The following DICER1 variants were observed in gnomAD, a reference collection of about 807,000 sequenced individuals.
The protein encoded by DICER1 is dicer 1, ribonuclease III.
DICER1 carries 43 observed loss-of-function variants against 194.1 expected under a neutral mutation model. The ratio of observed to expected loss-of-function variants is 0.22; its 90% CI spans 0.17 to 0.29. DICER1 has a LOEUF of 0.29. DICER1 is among the 10% of genes least tolerant of loss of function. The probability of loss-of-function intolerance (pLI) is 1.00; values close to 1 mark genes in which losing one functional copy is unlikely to be tolerated. For synonymous variants in DICER1, 832 were observed against 820.5 expected, an observed-to-expected ratio of 1.01 and a Z score of -0.24; for missense variants, 1,608 against 2,317.0, an observed-to-expected ratio of 0.69 and a Z score of 6.28.
intron 17 of DICER1, among the ~76,000 whole-genome samples, chr14:95,107,147 C>T (rs934816671): frequency 5.3e-5 from 8 of 152,278 alleles, no homozygotes; most frequent in Middle Eastern, 3.4e-3. Context: ...CCCTGAGTAG[C>T]TGTGATTACA....
intron 1 of DICER1, among the ~76,000 whole-genome samples, chr14:95,147,624 C>T (rs1895224042): frequency 6.6e-6 from 1 of 152,204 alleles, no homozygotes; most frequent in Admixed American, 6.5e-5. Context: ...AACAAGCAAG[C>T]CATCAATTCT....
At chr14:95,116,419 A>G (rs551701248) in intron 10 of DICER1, 34 bp downstream of exon 10, 1 of 1,602,520 alleles carries the variant, frequency 6.2e-7, no homozygotes, top group Non-Finnish European at 8.5e-7. Flanking sequence ...TTTTTTTCCC[A>G]ATCTGCCGGC....
chr14:95,111,503 T>G, intron 13 of DICER1, 47 bp from the exon 14 acceptor site: 1 of 1,598,950 alleles, frequency 6.3e-7, no homozygotes, highest in Non-Finnish European at 8.6e-7. Flanking sequence ...TTTTGCCTGA[T>G]TAATTAGTAA....
At chr14:95,154,642 G>A (rs1256378445) in intron 1 of DICER1, among the ~76,000 whole-genome samples, 1 of 152,110 alleles carries the variant, frequency 6.6e-6, no homozygotes, top group Non-Finnish European at 1.5e-5. Context: ...CTTATTTTGA[G>A]GTTTCTCCAG....
chr14:95,126,042 G>T (rs1011035486), intron 7 of DICER1, among the ~76,000 whole-genome samples: 17 of 151,820 alleles, frequency 1.1e-4, no homozygotes, highest in African/African-American at 4.1e-4. Context: ...GAGCTTTAAT[G>T]AATCAGATTA....
In DICER1 at chr14:95,092,089, CTACT is replaced by C. The variant is rs578250849; in HGVS notation, c.5365-728_5365-725del. On this transcript the variant is annotated intron_variant, in intron 24 of 26. Transcript: ENST00000343455. ...GGTTATTAAACATCCTAACCAAAAA[CTACT>C]TAATTACTCGGCCATAAAGAAGCGT... Among the ~76,000 whole-genome samples, 6 of 152,270 alleles carry C rather than the reference CTACT, an allele frequency of 3.9e-5. No homozygotes were observed. In the East Asian group the frequency reaches 1.2e-3, roughly 29 times the overall value.
chr14:95,090,906 C>A, intron 26 of DICER1, 128 bp downstream of exon 26: 2 of 1,046,154 alleles, frequency 1.9e-6, no homozygotes, highest in Non-Finnish European at 2.9e-6. Flanking sequence ...AGATTACAAA[C>A]AGAAATCTGA....
At position 95,105,524 on chromosome 14, in the gene DICER1, T is replaced by TAAAAC. The variant is rs575610432; in HGVS notation, c.3093+149_3093+153dup. On this transcript the variant is annotated intron_variant, in intron 19 of 26. Coordinates refer to ENST00000343455, the MANE Select transcript of DICER1 (RefSeq NM_177438.3). This position sits in a 1 kb window ranked among gnomAD's most constrained non-coding sequence, Gnocchi z 4.9. ...ATAACATTCAACACATAATACTAAT[T>TAAAAC]AAAACAAAACAAAACAAAATTTGAG... Among the ~76,000 whole-genome samples, 3 of 152,234 alleles carry TAAAAC rather than the reference T, an allele frequency of 2.0e-5. No homozygotes were observed. Among genetic ancestry groups the TAAAAC allele is most frequent in the South Asian group, 4.2e-4 (2 of 4,818 alleles).
At chr14:95,151,311 T>C (rs1344663704) in intron 1 of DICER1, among the ~76,000 whole-genome samples, 1 of 152,212 alleles carries the variant, frequency 6.6e-6, no homozygotes, top group Non-Finnish European at 1.5e-5. Flanking sequence ...CTCTTTTCCT[T>C]CATCCTCCAT....
chr14:95,118,698 T>C (rs1892698917), intron 8 of DICER1, among the ~76,000 whole-genome samples: 1 of 152,192 alleles, frequency 6.6e-6, no homozygotes, highest in Non-Finnish European at 1.5e-5. Flanking sequence ...GGATAAATGG[T>C]TCCACACCTG....
At position 95,086,564 on chromosome 14, in the gene DICER1, A is replaced by G; in HGVS notation, c.*3934T>C. 4.3e-6 allele frequency: 1 copy of G among 233,372 alleles called. No homozygotes were observed. The highest frequency in any genetic ancestry group is 8.5e-6 in the Non-Finnish European group (1 of 117,900). 14.5% of individuals were successfully genotyped at this position (233,372 alleles called of 1,614,324 possible). On this transcript the variant is annotated 3_prime_UTR_variant, in exon 27 of 27. Coordinates refer to ENST00000343455, the MANE Select transcript of DICER1 (RefSeq NM_177438.3). ...ATTCTTAGTGCATCTATAAAATTTA[A>G]ATTGTCTGTGGTTGATGTCCAAATA...
intron 1 of DICER1, among the ~76,000 whole-genome samples, chr14:95,150,281 C>T (rs566633717): frequency 3.9e-5 from 6 of 152,188 alleles, no homozygotes; most frequent in Admixed American, 2.0e-4. Context: ...GTCAGGAGTT[C>T]GAGACCAGCT....
intron 8 of DICER1, among the ~76,000 whole-genome samples, chr14:95,118,884 C>T (rs922605681): frequency 6.6e-6 from 1 of 151,838 alleles, no homozygotes; most frequent in Non-Finnish European, 1.5e-5. Flanking sequence ...CCAACCGGCA[C>T]AACACTTGCG....
At chr14:95,112,350 A>G (rs893916983) in intron 12 of DICER1, 103 bp from the exon 13 acceptor site, 2 of 933,584 alleles carry the variant, frequency 2.1e-6, no homozygotes, top group Non-Finnish European at 3.4e-6. Context: ...TTAAAGTTCA[A>G]TTTACCAAAA....
chr14:95,095,463 T>C (rs1890224683), intron 23 of DICER1: 1 of 298,908 alleles, frequency 3.3e-6, no homozygotes, highest in South Asian at 3.5e-5. Context: ...ATCCAGAATA[T>C]ACAACTAAAT....
intron 1 of DICER1, among the ~76,000 whole-genome samples, chr14:95,134,746 G>A (rs1021556861): frequency 1.3e-5 from 2 of 152,146 alleles, no homozygotes; most frequent in African/African-American, 2.4e-5. Context: ...CCCCACTGCC[G>A]GAGCTGAGAG....
At chr14:95,109,367 T>C (rs1043297515) in intron 14 of DICER1, among the ~76,000 whole-genome samples, 19 of 152,140 alleles carry the variant, frequency 1.2e-4, no homozygotes, top group African/African-American at 4.3e-4. Flanking sequence ...AAAGAATGTA[T>C]CTATTAATTA....
At chr14:95,095,505 A>G (rs567988802) in intron 23 of DICER1, 2 of 369,758 alleles carry the variant, frequency 5.4e-6, no homozygotes, top group South Asian at 2.6e-5. Flanking sequence ...AATGGGCAAG[A>G]GAAAGATATT....
intron 1 of DICER1, among the ~76,000 whole-genome samples, chr14:95,145,069 C>A (rs922074464): frequency 6.6e-6 from 1 of 152,186 alleles, no homozygotes; most frequent in African/African-American, 2.4e-5. Context: ...ATTTATCACT[C>A]TTTGTTAAGA....
Sources: gnomAD v4.1 joint callset for allele counts (sites outside exome capture counted in the v4.1 genomes callset) on GRCh38, gnomAD v4.1.1 for gene constraint, Gnocchi (gnomAD v3.1) non-coding constraint, MANE v1.5 for transcripts, NCBI Gene and HGNC (gene_info 2026-07-23, HGNC 2026-07-21) for gene names.